Variants in TMC2 observed in about 807,000 individuals in gnomAD.
TMC2 encodes transmembrane channel-like protein 2.
In TMC2, 102 loss-of-function variants were observed where a neutral mutation model predicts 105.9. The observed-to-expected ratio is 0.96, with a 90% CI of 0.82 to 1.14. The LOEUF (loss-of-function observed/expected upper bound fraction) is 1.14, where lower values mean the gene tolerates loss of function less well. Ranked by LOEUF, TMC2 falls within the 50% of genes most tolerant of loss-of-function variation. The pLI, the probability that TMC2 is intolerant of heterozygous loss-of-function variation, is 0.00. For synonymous variants in TMC2, 402 were observed against 422.8 expected, an observed-to-expected ratio of 0.95 and a Z score of 0.60; for missense variants, 1,093 against 1,134.3, an observed-to-expected ratio of 0.96 and a Z score of 0.52.
At chr20:2,581,231 G>A (rs542692606) in intron 7 of TMC2, among the ~76,000 whole-genome samples, 2 of 152,170 alleles carry the variant, frequency 1.3e-5, no homozygotes, top group South Asian at 2.1e-4. Flanking sequence ...TATTGGAGGA[G>A]GTTGACCATG....
At chr20:2,639,455 T>C (rs1240269785) in intron 19 of TMC2, among the ~76,000 whole-genome samples, 4 of 152,246 alleles carry the variant, frequency 2.6e-5, no homozygotes, top group Non-Finnish European at 5.9e-5. Flanking sequence ...TTATAAAGTA[T>C]TCAGTACAGT....
rs2085995341 is a variant in TMC2, at chr20:2,558,040, CTG to C, written c.83-414_83-413del. 6.6e-6 allele frequency among the ~76,000 whole-genome samples: 1 copy of C among 152,184 alleles called. No homozygotes were observed. Among genetic ancestry groups the C allele is most frequent in the African/African-American group, 2.4e-5 (1 of 41,452 alleles). On this transcript the variant is annotated intron_variant, in intron 2 of 19. Coordinates refer to ENST00000358864, the MANE Select transcript of TMC2 (RefSeq NM_080751.3). This position sits in a 1 kb window ranked among gnomAD's most constrained non-coding sequence, Gnocchi z 4.6. ...CGAAGACCCAAATATACAGGGAAAA[CTG>C]TATTTTTATGGAGAGTTGTGCAGAA... is the stretch of plus-strand genomic sequence containing the variant.
At chr20:2,567,111 C>T (rs926734188) in intron 4 of TMC2, among the ~76,000 whole-genome samples, 10 of 152,196 alleles carry the variant, frequency 6.6e-5, no homozygotes, top group African/African-American at 9.7e-5. Flanking sequence ...GAATTTTCAT[C>T]CCCAGCAGGT....
chr20:2,561,062 T>C (rs1169175856), intron 3 of TMC2, among the ~76,000 whole-genome samples: 2 of 152,210 alleles, frequency 1.3e-5, no homozygotes, highest in Non-Finnish European at 2.9e-5. Flanking sequence ...GAATTCCTCA[T>C]TTAATTGTAA....
At chr20:2,582,442 A>G (rs1397820335) in intron 7 of TMC2, among the ~76,000 whole-genome samples, 2 of 152,176 alleles carry the variant, frequency 1.3e-5, no homozygotes, top group Admixed American at 6.5e-5. Context: ...AGAATAGTAG[A>G]AGTGCTCAAA....
chr20:2,584,754 A>C (rs1275800918), intron 7 of TMC2, among the ~76,000 whole-genome samples: 1 of 152,082 alleles, frequency 6.6e-6, no homozygotes, highest in Non-Finnish European at 1.5e-5. Flanking sequence ...TTGTTCAAGA[A>C]AAAACTTTTG....
intron 9 of TMC2, among the ~76,000 whole-genome samples, chr20:2,596,633 CAA>C (rs57798234): frequency 1.5e-4 from 15 of 100,368 alleles, no homozygotes; most frequent in Admixed American, 4.3e-4. Flanking sequence ...ACTCTGTTAC[CAA>C]AAAAAAAAAA....
intron 17 of TMC2, among the ~76,000 whole-genome samples, chr20:2,627,279 G>A (rs730297): frequency 0.015 from 2,251 of 152,150 alleles, 29 homozygotes; most frequent in Admixed American, 0.029. Flanking sequence ...CAATTCTTCC[G>A]TCTTTGCTTA....
rs781506743 is a variant in TMC2 at position 2,617,057 on chromosome 20, T to G, written c.1941-15T>G. On this transcript the variant is annotated splice_polypyrimidine_tract_variant and intron_variant, in intron 15 of 19. Transcript: ENST00000358864. ...GCTGTCCAGCCAACCAGGTGTTTGG[T>G]TTCTGCCATTCCAGGATGGGCTCCT... 3 of 1,614,080 alleles carry G rather than the reference T, an allele frequency of 1.9e-6. No homozygotes were observed. Among genetic ancestry groups the G allele is most frequent in the Middle Eastern group, 1.7e-4 (1 of 6,056 alleles).
At chr20:2,591,801 A>G (rs1200489672) in intron 7 of TMC2, among the ~76,000 whole-genome samples, 3 of 152,184 alleles carry the variant, frequency 2.0e-5, no homozygotes, top group Non-Finnish European at 4.4e-5. Context: ...ACTTTTTCAC[A>G]TTTTTTACAA....
At chr20:2,591,447 G>A (rs937144224) in intron 7 of TMC2, among the ~76,000 whole-genome samples, 3 of 152,216 alleles carry the variant, frequency 2.0e-5, no homozygotes, top group Non-Finnish European at 2.9e-5. Context: ...GCTCATGCCT[G>A]TAATCCCAGC....
chr20:2,566,661 G>T (rs1442787568), intron 4 of TMC2, among the ~76,000 whole-genome samples: 1 of 152,152 alleles, frequency 6.6e-6, no homozygotes, highest in Admixed American at 6.5e-5. Context: ...TGAAAACCCT[G>T]AATGCCATAT....
chr20:2,588,765 T>G (rs1445022047), intron 7 of TMC2, among the ~76,000 whole-genome samples: 2 of 150,464 alleles, frequency 1.3e-5, no homozygotes, highest in African/African-American at 4.9e-5. Flanking sequence ...ATGTATGCCT[T>G]ATGCTCTTTT....
chr20:2,557,945 C>T (rs946651384), intron 2 of TMC2, among the ~76,000 whole-genome samples: 1 of 152,188 alleles, frequency 6.6e-6, no homozygotes, highest in Admixed American at 6.6e-5. Flanking sequence ...TAACAAAAGA[C>T]AGATTAACAA....
chr20:2,567,886 G>A (rs1308193773), intron 4 of TMC2, among the ~76,000 whole-genome samples: 1 of 152,136 alleles, frequency 6.6e-6, no homozygotes, highest in East Asian at 1.9e-4. Flanking sequence ...ACAGAATGAA[G>A]AGAACAGAGT....
Position 2,619,488 on chromosome 20 carries a change from T to C in TMC2, c.2180+2177T>C, listed in dbSNP as rs76131659. ...AGAAGTTACAAGGCAGATTAGCATG[T>C]AAAATAAAGTCACTCATGTCCCGCA... On this transcript the variant is annotated intron_variant, in intron 16 of 19. Coordinates refer to ENST00000358864, the MANE Select transcript of TMC2 (RefSeq NM_080751.3). Among the ~76,000 whole-genome samples, 829 of 152,244 alleles carry C rather than the reference T, an allele frequency of 5.4e-3. 9 individuals are homozygous for C. The highest frequency in any genetic ancestry group is 0.019 in the African/African-American group (789 of 41,526).
chr20:2,586,006 A>T (rs927896434), intron 7 of TMC2, among the ~76,000 whole-genome samples: 7 of 152,184 alleles, frequency 4.6e-5, no homozygotes, highest in African/African-American at 1.2e-4. Flanking sequence ...GGCAGGGATC[A>T]TGTGAGCCAC....
rs1321115248 is a variant in TMC2, at chr20:2,573,533, ATTAATTCTTT to A, written c.645+1267_645+1276del. On this transcript the variant is annotated intron_variant, in intron 5 of 19. Transcript: ENST00000358864. ...TCTGGTTCTCTTATGGTACTCTCTTATTAATTCTTTTTTTTTTCTTTTCTTTTCTTTTTTT... is the reference window on the plus strand; with the variant it reads ...TCTGGTTCTCTTATGGTACTCTCTTATTTTTTTCTTTTCTTTTCTTTTTTT... Among the ~76,000 whole-genome samples the A allele has an allele frequency of 5.0e-3, 676 of 135,600 alleles. 6 individuals carry two copies. The highest frequency in any genetic ancestry group is 0.018 in the African/African-American group (651 of 35,932). 89.0% of individuals were successfully genotyped at this position (135,600 alleles called of 152,430 possible). A position where few individuals can be genotyped will look rare whatever the true frequency, so the allele number is the denominator to read the frequency against.
chr20:2,617,557 C>G (rs1386900568), intron 16 of TMC2: 3 of 532,020 alleles, frequency 5.6e-6, no homozygotes. Flanking sequence ...AAATGAGGAA[C>G]TGAGAAAATT....
Sources: allele counts gnomAD v4.1 joint callset (sites outside exome capture counted in the v4.1 genomes callset), GRCh38; gene constraint gnomAD v4.1.1; non-coding constraint Gnocchi (gnomAD v3.1); transcripts MANE v1.5; gene names NCBI Gene and HGNC (gene_info 2026-07-23, HGNC 2026-07-21).